The following PKP2 variants were observed in gnomAD, a reference collection of about 807,000 sequenced individuals.
PKP2 encodes the protein plakophilin 2, also known as plakophilin-2.
Under a neutral mutation model 83.4 loss-of-function variants are expected in PKP2, and 73 were observed. The observed-to-expected ratio is 0.88, with a 90% confidence interval of 0.72 to 1.06. The LOEUF (loss-of-function observed/expected upper bound fraction) is 1.06. Ranked by LOEUF, PKP2 falls within the 50% of genes least tolerant of loss-of-function variation. The probability of loss-of-function intolerance (pLI) is 0.00; values close to 1 mark genes in which losing one functional copy is unlikely to be tolerated. For synonymous variants in PKP2, 409 were observed against 430.4 expected (o/e 0.95, Z 0.62); for missense variants, 966 against 1,065.4 (o/e 0.91, Z 1.30).
rs897869094 is a variant in PKP2 at position 32,796,393 on chromosome 12, C to CT, written c.2168-96dup. ...ATTTTGGGTGAAGAACATTCTTTTT[C>CT]TTTTTTTGAGACGGAATCTTGCTCT... On this transcript the variant is annotated intron_variant, in intron 10 of 12. Coordinates refer to ENST00000340811, the MANE Select transcript of PKP2 (RefSeq NM_001005242.3). 2.7e-5 allele frequency: 31 copies of CT among 1,156,674 alleles called. No individual in the cohort carries two copies. In the African/African-American group the frequency reaches 3.6e-4, roughly 13 times the overall value. The allele number at this position is 1,156,674 out of a possible 1,614,324, so 71.7% of individuals were successfully genotyped here. A position where few individuals can be genotyped will look rare whatever the true frequency, so the allele number is the denominator to read the frequency against.
chr12:32,864,309 T>C (rs1282530908), intron 4 of PKP2, among the ~76,000 whole-genome samples: 3 of 145,840 alleles, frequency 2.1e-5, no homozygotes, highest in African/African-American at 2.5e-5. Flanking sequence ...ACTATACACA[T>C]ACACACACAC....
intron 1 of PKP2, among the ~76,000 whole-genome samples, chr12:32,879,619 A>T (rs1036980304): frequency 4.6e-5 from 7 of 152,064 alleles, no homozygotes; most frequent in African/African-American, 1.7e-4. Context: ...ACCCGAGGTC[A>T]GGCATTCAAG....
At chr12:32,864,837 G>C (rs1956832421) in intron 4 of PKP2, among the ~76,000 whole-genome samples, 1 of 152,152 alleles carries the variant, frequency 6.6e-6, no homozygotes, top group South Asian at 2.1e-4. Context: ...CTTCATCTTT[G>C]CTGAAGACTA....
chr12:32,836,726 G>C (rs1956548119), intron 6 of PKP2, among the ~76,000 whole-genome samples: 2 of 152,162 alleles, frequency 1.3e-5, no homozygotes, highest in South Asian at 4.1e-4. Context: ...AAGATATTCG[G>C]TAACATTCAT....
chr12:32,792,501 T>C lies in PKP2; in HGVS notation c.2446-9A>G, dbSNP rs1057524088. 3.1e-6 allele frequency: 5 copies of C among 1,612,536 alleles called. No individual in the cohort carries two copies. The highest frequency in any genetic ancestry group is 1.7e-5 in the Admixed American group (1 of 60,002). ...GTCTTCTTAAACTGAGCCTTTGGAA[T>C]AAGCAAACAGAAACGTGAAAGGTAA... On this transcript the variant is annotated splice_polypyrimidine_tract_variant and intron_variant, in intron 12 of 12. Coordinates refer to ENST00000340811, the MANE Select transcript of PKP2 (RefSeq NM_001005242.3).
chr12:32,834,756 G>T (rs183627019), intron 6 of PKP2, among the ~76,000 whole-genome samples: 4 of 152,222 alleles, frequency 2.6e-5, no homozygotes, highest in Admixed American at 2.6e-4. Flanking sequence ...GAAGCTATAA[G>T]AATAATATGC....
chr12:32,792,848 A>G, intron 11 of PKP2, 117 bp from the exon 12 acceptor site: 1 of 796,232 alleles, frequency 1.3e-6, no homozygotes. Flanking sequence ...GCAGCCATCC[A>G]TGAAGTCAGG....
chr12:32,843,058 C>A, intron 5 of PKP2: 1 of 356,668 alleles, frequency 2.8e-6, no homozygotes, highest in Non-Finnish European at 5.6e-6. Flanking sequence ...TGGCTCACTG[C>A]AACTTCTGCC....
chr12:32,894,811 C>T (rs1433242062), intron 1 of PKP2: 1 of 152,158 alleles, frequency 6.6e-6, no homozygotes, highest in East Asian at 1.9e-4. Context: ...GGTGTAATGG[C>T]TCCACTTTTC....
chr12:32,831,757 T>G (rs569576892), intron 6 of PKP2, among the ~76,000 whole-genome samples: 2 of 152,228 alleles, frequency 1.3e-5, no homozygotes, highest in African/African-American at 2.4e-5. Flanking sequence ...TCTGGACCAA[T>G]CTGGTAAAGA....
At chr12:32,871,005 T>C (rs1336238107) in intron 3 of PKP2, among the ~76,000 whole-genome samples, 1 of 152,158 alleles carries the variant, frequency 6.6e-6, no homozygotes, top group East Asian at 1.9e-4. Context: ...TCAGCAAGGT[T>C]TACTACAGCT....
chr12:32,865,145 T>A (rs1592756980), intron 4 of PKP2, among the ~76,000 whole-genome samples: 1 of 151,716 alleles, frequency 6.6e-6, no homozygotes, highest in South Asian at 2.1e-4. Context: ...GAGGCTGAGG[T>A]GAGTGGATCA....
At chr12:32,853,176 C>T (rs1227803108) in intron 4 of PKP2, among the ~76,000 whole-genome samples, 1 of 152,106 alleles carries the variant, frequency 6.6e-6, no homozygotes, top group Non-Finnish European at 1.5e-5. Context: ...TATCCCTTAT[C>T]TGAAAATCTG....
At chr12:32,887,868 C>A (rs935214663) in intron 1 of PKP2, among the ~76,000 whole-genome samples, 3 of 152,074 alleles carry the variant, frequency 2.0e-5, no homozygotes, top group Non-Finnish European at 2.9e-5. Context: ...ATAGAAATAT[C>A]CTGGAAGTAT....
chr12:32,830,904 TAAA>T (rs35463895), intron 6 of PKP2, among the ~76,000 whole-genome samples: 27 of 145,414 alleles, frequency 1.9e-4, no homozygotes, highest in Non-Finnish European at 1.7e-4. Context: ...AGACTGCATC[TAAA>T]AAAAAAAAAA....
intron 8 of PKP2, 31 bp downstream of exon 8, chr12:32,822,436 T>G: frequency 6.3e-7 from 1 of 1,580,710 alleles, no homozygotes; most frequent in Non-Finnish European, 8.7e-7. Flanking sequence ...TTCTCTCCCT[T>G]TCTCATTCTT....
chr12:32,800,688 C>T (rs765711163), intron 10 of PKP2, among the ~76,000 whole-genome samples: 3 of 152,216 alleles, frequency 2.0e-5, no homozygotes, highest in South Asian at 2.1e-4. Context: ...TGCAGTACTG[C>T]GCATGTGGTA....
intron 3 of PKP2, among the ~76,000 whole-genome samples, chr12:32,869,598 CA>C (rs749501554): frequency 0.042 from 3,448 of 82,056 alleles, 38 homozygotes; most frequent in Non-Finnish European, 0.055. Context: ...GACTGCATCT[CA>C]AAAAAAAAAA....
At chr12:32,873,213 C>T (rs181341427) in intron 3 of PKP2, among the ~76,000 whole-genome samples, 20 of 152,232 alleles carry the variant, frequency 1.3e-4, no homozygotes, top group South Asian at 6.2e-4. Flanking sequence ...GATTCTGTTG[C>T]CTCAGCCTCC....
Sources: allele counts gnomAD v4.1 joint callset (sites outside exome capture counted in the v4.1 genomes callset), GRCh38; gene constraint gnomAD v4.1.1; transcripts MANE v1.5; gene names NCBI Gene and HGNC (gene_info 2026-07-23, HGNC 2026-07-21).